The following OCLN variants were observed in gnomAD, a reference collection of about 807,000 sequenced individuals.
The protein encoded by OCLN is phosphatase 1, regulatory subunit 115.
OCLN carries 21 observed loss-of-function variants against 47.9 expected under a neutral mutation model. That is an observed-to-expected ratio of 0.44 (90% CI 0.31 to 0.63). OCLN has a LOEUF of 0.63. Ranked by LOEUF, OCLN falls within the 30% of genes least tolerant of loss-of-function variation. The probability of loss-of-function intolerance (pLI) is 0.08; values close to 1 mark genes in which losing one functional copy is unlikely to be tolerated. For missense variants in OCLN, 360 were observed against 571.0 expected, an observed-to-expected ratio of 0.63 and a Z score of 3.77; for synonymous variants, 117 against 198.4, an observed-to-expected ratio of 0.59 and a Z score of 3.45.
intron 5 of OCLN, among the ~76,000 whole-genome samples, 184 bp downstream of exon 5, chr5:69,535,023 C>G (rs535574969): frequency 6.6e-6 from 1 of 151,644 alleles, no homozygotes; most frequent in African/African-American, 2.4e-5. Context: ...CTTGGAAGAC[C>G]AGGATGAGGA....
At chr5:69,520,421 C>G (rs1769102800) in intron 4 of OCLN, among the ~76,000 whole-genome samples, 2 of 151,898 alleles carry the variant, frequency 1.3e-5, no homozygotes, top group Non-Finnish European at 2.9e-5. Flanking sequence ...CTGCCTCAGC[C>G]TCCCAAGTAG....
In OCLN at chr5:69,537,876, G is replaced by A. The variant is rs1475352424; in HGVS notation, c.1037+3037G>A. Among the ~76,000 whole-genome samples, 355 of 103,568 alleles carry A rather than the reference G, an allele frequency of 3.4e-3. 5 individuals carry two copies. Among genetic ancestry groups the A allele is most frequent in the African/African-American group, 0.014 (341 of 24,782 alleles). The allele number at this position is 103,568 out of a possible 152,430, so 67.9% of individuals were successfully genotyped here. A position where few individuals can be genotyped will look rare whatever the true frequency, so the allele number is the denominator to read the frequency against. ...TCACTGTCTTCCATTTCCACATCTC[G>A]TTGCACTGGAAGGTCATCAGGGCCA... is the stretch of plus-strand genomic sequence containing the variant. On this transcript the variant is annotated intron_variant, in intron 5 of 8. Coordinates refer to ENST00000396442, the MANE Select transcript of OCLN (RefSeq NM_001205254.2).
chr5:69,550,544 G>A (rs1769839814), intron 7 of OCLN, among the ~76,000 whole-genome samples: 1 of 146,680 alleles, frequency 6.8e-6, no homozygotes, highest in South Asian at 2.2e-4. Context: ...AGAGTCAGAG[G>A]GTACGTACCT....
rs756837651 is a variant in OCLN, at chr5:69,509,264, G to C, written c.174G>C (p.Trp58Cys). Residue 58 changes from tryptophan to cysteine, a missense_variant, in exon 3 of 9, where the codon TGG becomes TGC. Physicochemically the swap from Trp to Cys is radical, Grantham distance 215. Around this residue, in one of 3 missense-constraint regions of OCLN, gnomAD observed 314 missense variants for 368.1 expected, o/e 0.85. Coordinates refer to ENST00000396442, the MANE Select transcript of OCLN (RefSeq NM_001205254.2). Reference protein sequence around the residue: ...PEDEILHFYKWTSPPGVIRIL... With the variant: ...PEDEILHFYKCTSPPGVIRIL... ...ATGAAATTCTTCACTTCTACAAATG[G>C]ACCTCTCCTCCAGGAGTGATTCGGA... The C allele has an allele frequency of 6.2e-7, 1 of 1,614,148 alleles. No homozygotes were observed. The highest frequency in any genetic ancestry group is 1.7e-5 in the Admixed American group (1 of 60,018).
At chr5:69,533,784 C>A (rs889925709) in intron 4 of OCLN, among the ~76,000 whole-genome samples, 1 of 152,184 alleles carries the variant, frequency 6.6e-6, no homozygotes, top group Non-Finnish European at 1.5e-5. Context: ...TCCCGAGTAG[C>A]TGGGACTACA....
At chr5:69,516,041 C>T (rs1180939770) in intron 4 of OCLN, among the ~76,000 whole-genome samples, 4 of 150,840 alleles carry the variant, frequency 2.7e-5, no homozygotes, top group African/African-American at 7.3e-5. Context: ...GGGCTCCTCA[C>T]GTCCCAGACG....
chr5:69,509,752 C>T lies in OCLN; in HGVS notation c.662C>T (p.Thr221Ile), dbSNP rs747199223. ...TATGCCCTCTGCAACCAATTTTATA[C>T]ACCTGCAGCTACTGGACTCTACGTG... Reference protein sequence around the residue: ...QIYALCNQFYTPAATGLYVDQ... With the variant: ...QIYALCNQFYIPAATGLYVDQ... Residue 221 changes from threonine to isoleucine, a missense_variant, in exon 3 of 9, where the codon ACA becomes ATA. Around this residue, in one of 3 missense-constraint regions of OCLN, gnomAD observed 314 missense variants for 368.1 expected, o/e 0.85. Transcript: ENST00000396442. The T allele has an allele frequency of 1.9e-6, 3 of 1,614,092 alleles. No homozygotes were observed. Among genetic ancestry groups the T allele is most frequent in the South Asian group, 1.1e-5 (1 of 91,070 alleles).
At chr5:69,494,593 AATTT>A (rs1337525829) in intron 1 of OCLN, among the ~76,000 whole-genome samples, 2 of 152,078 alleles carry the variant, frequency 1.3e-5, no homozygotes, top group African/African-American at 2.4e-5. Context: ...GTCGTTTTGC[AATTT>A]ATTTAGTTAT....
chr5:69,513,603 C>T (rs966503594), intron 3 of OCLN, among the ~76,000 whole-genome samples: 4 of 152,156 alleles, frequency 2.6e-5, no homozygotes, highest in Admixed American at 1.3e-4. Flanking sequence ...TGGCCATTCT[C>T]GTAGGTGCAC....
At chr5:69,535,015 T>C (rs1403970539) in intron 5 of OCLN, among the ~76,000 whole-genome samples, 176 bp downstream of exon 5, 8 of 151,692 alleles carry the variant, frequency 5.3e-5, no homozygotes, top group African/African-American at 1.9e-4. Context: ...TACGGCTACT[T>C]GGAAGACCAG....
In OCLN at chr5:69,521,456, C is replaced by T. The variant is rs532795824; in HGVS notation, c.891+7347C>T. Among the ~76,000 whole-genome samples the T allele has an allele frequency of 5.3e-5, 8 of 152,220 alleles. No individual in the cohort carries two copies. The South Asian group carries it at 1.5e-3, about 28-fold the overall frequency. ...TGTAAGATAAATTTCTAGAACTAGT[C>T]ATTGAGTGTGCACACTTAAAATTTT... On this transcript the variant is annotated intron_variant, in intron 4 of 8. Transcript: ENST00000396442.
At chr5:69,538,111 T>C (rs1769640136) in intron 5 of OCLN, among the ~76,000 whole-genome samples, 1 of 151,164 alleles carries the variant, frequency 6.6e-6, no homozygotes, top group Admixed American at 6.6e-5. Context: ...ATACTGTACA[T>C]AATTGCATTT....
intron 4 of OCLN, among the ~76,000 whole-genome samples, chr5:69,520,461 C>T (rs1377286722): frequency 3.3e-5 from 5 of 151,214 alleles, no homozygotes; most frequent in African/African-American, 4.9e-5. Context: ...CCACTGTGCC[C>T]GGCTAATTTT....
chr5:69,513,317 T>C (rs1461257368), intron 3 of OCLN, among the ~76,000 whole-genome samples: 2 of 152,228 alleles, frequency 1.3e-5, no homozygotes, highest in Non-Finnish European at 2.9e-5. Flanking sequence ...GGGCCCTTTC[T>C]AGTAGTATGC....
chr5:69,518,303 G>T (rs1230196374), intron 4 of OCLN, among the ~76,000 whole-genome samples: 2 of 152,144 alleles, frequency 1.3e-5, no homozygotes, highest in Admixed American at 6.5e-5. Context: ...GTATGTAAAA[G>T]AATTGTCTGT....
rs1430979480 is a variant in OCLN, at chr5:69,493,270, G to A, written c.-69+370G>A. On this transcript the variant is annotated intron_variant, in intron 1 of 8. Transcript: ENST00000396442. This position sits in a 1 kb window ranked among gnomAD's most constrained non-coding sequence, Gnocchi z 5.3. The stretch of plus-strand genomic sequence containing the variant: ...CCGCTCTGGGGCTGCAGTTTGGGGG[G>A]GCGGCCTTCATGGAGAGGGATCCTG... Among the ~76,000 whole-genome samples, 2 of 152,154 alleles carry A rather than the reference G, an allele frequency of 1.3e-5. No homozygotes were observed. The highest frequency in any genetic ancestry group is 2.4e-5 in the African/African-American group (1 of 41,448).
chr5:69,516,069 G>A (rs1359139483), intron 4 of OCLN, among the ~76,000 whole-genome samples: 2 of 151,654 alleles, frequency 1.3e-5, no homozygotes, highest in Middle Eastern at 3.2e-3. Context: ...GCCAGGCAGA[G>A]ACGCTCCTCA....
At chr5:69,500,510 G>T (rs1768427883) in intron 1 of OCLN, among the ~76,000 whole-genome samples, 1 of 150,302 alleles carries the variant, frequency 6.7e-6, no homozygotes, top group Admixed American at 6.7e-5. Flanking sequence ...AAGCAATTCT[G>T]CTACCTCAGC....
intron 3 of OCLN, among the ~76,000 whole-genome samples, chr5:69,511,945 C>A (rs2111983791): frequency 1.3e-5 from 2 of 151,790 alleles, no homozygotes; most frequent in Admixed American, 1.3e-4. Context: ...ATCACTTGAA[C>A]CCAGGAGGTG....
Sources: gnomAD v4.1 joint callset for allele counts (sites outside exome capture counted in the v4.1 genomes callset) on GRCh38, gnomAD v4.1.1 for gene constraint, gnomAD v4.1.1 regional missense constraint, Gnocchi (gnomAD v3.1) non-coding constraint, MANE v1.5 for transcripts, NCBI Gene and HGNC (gene_info 2026-07-23, HGNC 2026-07-21) for gene names.